LMNB2: variants seen among roughly 807,000 people sequenced by gnomAD.
LMNB2 encodes lamin-B2.
A neutral mutation model predicts 69.3 loss-of-function variants in LMNB2; 17 were observed. The observed-to-expected ratio is 0.25, with a 90% CI of 0.17 to 0.37. The LOEUF is 0.37. LMNB2 is among the 10% of genes least tolerant of loss of function. LMNB2 has a pLI of 1.00. For missense variants in LMNB2, 789 were observed against 883.6 expected (o/e 0.89, Z 1.36); for synonymous variants, 397 against 389.3 (o/e 1.02, Z -0.23).
intron 1 of LMNB2, among the ~76,000 whole-genome samples, chr19:2,448,244 G>C (rs1046630061): frequency 6.6e-6 from 1 of 152,188 alleles, no homozygotes; most frequent in African/African-American, 2.4e-5. Context: ...CCAGGTGCAG[G>C]CATGGTGGTG....
At chr19:2,438,700 C>T (rs952037190) in intron 2 of LMNB2, among the ~76,000 whole-genome samples, 169 bp from the exon 3 acceptor site, 2 of 152,220 alleles carry the variant, frequency 1.3e-5, no homozygotes, top group Admixed American at 6.5e-5. Flanking sequence ...CAAAGGCACA[C>T]GTGCCCTCAT....
rs1971785327 is a variant in LMNB2 at position 2,434,033 on chromosome 19, C to G, written c.1275G>C (p.Leu425Phe). ...SRATSSSSGSLSATGRLGRSK... is the reference protein window; with the variant it reads ...SRATSSSSGSFSATGRLGRSK... ...TGCGGCCCAGGCGCCCGGTGGCGGA[C>G]AAGCTGCCGCTGCTGCTCGAGGTGG... The change falls in exon 8 of 12, where the codon TTG becomes TTC. Residue 425 changes from leucine to phenylalanine, a missense_variant. Transcript: ENST00000325327. 2.5e-6 allele frequency: 4 copies of G among 1,603,052 alleles called. No individual in the cohort carries two copies. The highest frequency in any genetic ancestry group is 2.2e-5 in the East Asian group (1 of 44,514).
intron 1 of LMNB2, among the ~76,000 whole-genome samples, chr19:2,446,289 G>C (rs907135791): frequency 6.6e-6 from 1 of 151,848 alleles, no homozygotes; most frequent in East Asian, 1.9e-4. Context: ...GGAGAGCCAG[G>C]GGTCACCAGG....
At chr19:2,435,807 G>C (rs1294213721) in intron 4 of LMNB2, among the ~76,000 whole-genome samples, 1 of 149,552 alleles carries the variant, frequency 6.7e-6, no homozygotes, top group Non-Finnish European at 1.5e-5. Flanking sequence ...AACAAAGTGA[G>C]ACTGCGTCTC....
At chr19:2,450,294 G>A (rs1426317652) in intron 1 of LMNB2, among the ~76,000 whole-genome samples, 1 of 152,100 alleles carries the variant, frequency 6.6e-6, no homozygotes, top group Non-Finnish European at 1.5e-5. Flanking sequence ...CAGCCTGGAG[G>A]AGCCTGGGAG....
Position 2,430,648 on chromosome 19 carries a change from GC to G in LMNB2, c.*262del. 1.8e-6 allele frequency: 1 copy of G among 563,056 alleles called. No individual in the cohort carries two copies. Among genetic ancestry groups the G allele is most frequent in the Non-Finnish European group, 3.2e-6 (1 of 309,260 alleles). The allele number at this position is 563,056 out of a possible 1,614,324, so 34.9% of individuals were successfully genotyped here. On this transcript the variant is annotated 3_prime_UTR_variant, in exon 12 of 12. Coordinates refer to ENST00000325327, the MANE Select transcript of LMNB2 (RefSeq NM_032737.4). ...GCATCTTCTAAACCTCCGGGTCCTG[GC>G]CCTGGGCTTCCAATTTGACCAAATG...
intron 2 of LMNB2, among the ~76,000 whole-genome samples, chr19:2,439,289 G>A (rs1971866243): frequency 6.6e-6 from 1 of 152,028 alleles, no homozygotes; most frequent in East Asian, 1.9e-4. Context: ...AGGACACCCA[G>A]GGTTCCGCAG....
chr19:2,445,583 CA>C (rs1190642871), intron 1 of LMNB2, among the ~76,000 whole-genome samples: 1 of 135,418 alleles, frequency 7.4e-6, no homozygotes, highest in Non-Finnish European at 1.6e-5. Context: ...TCAGAGTCCC[CA>C]ACTCCCCACC....
chr19:2,439,329 T>C (rs60082228), intron 2 of LMNB2, among the ~76,000 whole-genome samples: 89,255 of 151,130 alleles, frequency 0.59, 27,928 homozygotes, highest in African/African-American at 0.81. Flanking sequence ...TGGGGTGGTC[T>C]TGAGTGAGGG....
At chr19:2,446,321 AC>A (rs1036865089) in intron 1 of LMNB2, among the ~76,000 whole-genome samples, 41 of 151,418 alleles carry the variant, frequency 2.7e-4, no homozygotes, top group African/African-American at 1.0e-3. Flanking sequence ...CGACTGGAAC[AC>A]CCTCTGGGCC....
chr19:2,452,831 C>T (rs1415036483), intron 1 of LMNB2, among the ~76,000 whole-genome samples: 5 of 152,124 alleles, frequency 3.3e-5, no homozygotes, highest in Admixed American at 3.3e-4. Flanking sequence ...GAGTCCCTCA[C>T]GCCTCCCAGC....
At chr19:2,439,006 A>G (rs1336378183) in intron 2 of LMNB2, among the ~76,000 whole-genome samples, 1 of 145,530 alleles carries the variant, frequency 6.9e-6, no homozygotes, top group East Asian at 2.0e-4. Context: ...ACACACAAAT[A>G]CTACCAGTGT....
intron 4 of LMNB2, among the ~76,000 whole-genome samples, chr19:2,436,002 AG>A (rs1428637331): frequency 6.6e-6 from 1 of 150,902 alleles, no homozygotes; most frequent in Non-Finnish European, 1.5e-5. Flanking sequence ...TACAAAAATT[AG>A]GCCGGGCACA....
intron 1 of LMNB2, among the ~76,000 whole-genome samples, chr19:2,448,757 A>G (rs1971987565): frequency 6.6e-6 from 1 of 152,218 alleles, no homozygotes; most frequent in African/African-American, 2.4e-5. Flanking sequence ...CTGAGGCAGG[A>G]AAATTGCTTG....
intron 9 of LMNB2, among the ~76,000 whole-genome samples, 169 bp from the exon 10 acceptor site, chr19:2,432,071 C>A (rs1971747948): frequency 6.6e-6 from 1 of 152,098 alleles, no homozygotes; most frequent in African/African-American, 2.4e-5. Flanking sequence ...CAAGAAGAGA[C>A]CAGGGTTCAC....
chr19:2,450,725 C>A (rs1007759404), intron 1 of LMNB2, among the ~76,000 whole-genome samples: 4 of 152,030 alleles, frequency 2.6e-5, no homozygotes, highest in African/African-American at 7.2e-5. Flanking sequence ...GCAACCTCTG[C>A]TTCCCGGGTT....
At chr19:2,434,677 C>T (rs1374768884) in intron 6 of LMNB2, 111 bp downstream of exon 6, 2 of 1,511,388 alleles carry the variant, frequency 1.3e-6, no homozygotes, top group Non-Finnish European at 1.8e-6. Context: ...GCTGGGCGCC[C>T]CGAGGGCTGC....
Position 2,453,365 on chromosome 19 carries a change from C to A in LMNB2, c.264+3305G>T, listed in dbSNP as rs893824910. Among the ~76,000 whole-genome samples, 4 of 151,886 alleles carry A rather than the reference C, an allele frequency of 2.6e-5. No individual in the cohort carries two copies. The highest frequency in any genetic ancestry group is 5.9e-5 in the Non-Finnish European group (4 of 67,944). On this transcript the variant is annotated intron_variant, in intron 1 of 11. Coordinates refer to ENST00000325327, the MANE Select transcript of LMNB2 (RefSeq NM_032737.4). This position sits in a 1 kb window ranked among gnomAD's most constrained non-coding sequence, Gnocchi z 4.4. ...CCATCCTGCCAGCCTGAGCCTGAGG[C>A]TGCTCTCTGAACCCCACGTGGCCCA...
Position 2,434,085 on chromosome 19 carries a change from G to T in LMNB2, c.1223C>A (p.Pro408Gln). Reference sequence around the variant, plus strand: ...TCGTGAGACGGTGACGCGCGAGGATGGGCTGGGGGACAGCTTCAGCCTGTG... The same window carrying T: ...TCGTGAGACGGTGACGCGCGAGGATTGGCTGGGGGACAGCTTCAGCCTGTG... ...EEERLKLSPS[P>Q]SSRVTVSRAT... The change falls in exon 8 of 12, where the codon CCA becomes CAA. Residue 408 changes from proline (P) to glutamine (Q), a missense_variant. This residue lies in a region of LMNB2 where 609 missense variants were observed against 630.9 expected (regional missense o/e 0.97). Coordinates refer to ENST00000325327, the MANE Select transcript of LMNB2 (RefSeq NM_032737.4). 1.3e-6 allele frequency: 2 copies of T among 1,591,666 alleles called. No individual in the cohort carries two copies. The highest frequency in any genetic ancestry group is 1.7e-6 in the Non-Finnish European group (2 of 1,171,054).
Sources: gnomAD v4.1 joint callset for allele counts (sites outside exome capture counted in the v4.1 genomes callset) on GRCh38, gnomAD v4.1.1 for gene constraint, gnomAD v4.1.1 regional missense constraint, Gnocchi (gnomAD v3.1) non-coding constraint, MANE v1.5 for transcripts, NCBI Gene and HGNC (gene_info 2026-07-23, HGNC 2026-07-21) for gene names.